Variants in ARAP2 observed in about 807,000 individuals in gnomAD.
ARAP2 encodes arf-GAP with Rho-GAP domain, ANK repeat and PH domain-containing protein 2.
Under a neutral mutation model 194.5 loss-of-function variants are expected in ARAP2, and 148 were observed. The observed-to-expected ratio is 0.76, with a 90% CI of 0.67 to 0.87. The LOEUF is 0.87. ARAP2 is among the 40% of genes least tolerant of loss of function. The pLI is 0.00. For missense variants in ARAP2, 2,128 were observed against 1,989.7 expected (o/e 1.07, Z -1.32); for synonymous variants, 695 against 683.5 (o/e 1.02, Z -0.26).
downstream of ARAP2, chr4:36,065,640 A>C (rs1393058590): frequency 5.7e-6 from 1 of 176,808 alleles, no homozygotes; most frequent in African/African-American, 2.4e-5. Flanking sequence ...ACTGCTCATG[A>C]ATGACCAAGT....
At chr4:36,159,238 G>T in intron 14 of ARAP2, 93 bp downstream of exon 14, 2 of 1,269,660 alleles carry the variant, frequency 1.6e-6, no homozygotes, top group Non-Finnish European at 2.1e-6. Flanking sequence ...CATTCTGATG[G>T]TTTCTCTTAT....
chr4:36,128,798 T>C lies in ARAP2; in HGVS notation c.3428-53A>G. 2.9e-6 allele frequency: 4 copies of C among 1,388,120 alleles called. No individual in the cohort carries two copies. The South Asian group carries it at 3.9e-5, about 14-fold the overall frequency. 86.0% of individuals were successfully genotyped at this position (1,388,120 alleles called of 1,614,324 possible). On this transcript the variant is annotated intron_variant, in intron 20 of 32. Coordinates refer to ENST00000303965, the MANE Select transcript of ARAP2 (RefSeq NM_015230.4). ...TTAAAAGTCTAAATTCAAAAGCCAG[T>C]TTGATATTTTAAAAACAAAACAAAT...
chr4:36,071,706 T>C (rs1029008201), intron 32 of ARAP2, among the ~76,000 whole-genome samples: 63 of 151,740 alleles, frequency 4.2e-4, no homozygotes, highest in Admixed American at 2.6e-3. Flanking sequence ...TTTTTTCTTT[T>C]TTTTTTATTA....
At chr4:36,159,232 C>T (rs1456849392) in intron 14 of ARAP2, 99 bp downstream of exon 14, 2 of 1,254,180 alleles carry the variant, frequency 1.6e-6, no homozygotes, top group Non-Finnish European at 2.1e-6. Context: ...TTTCTTCATT[C>T]TGATGGTTTC....
chr4:36,145,077 A>AG (rs1290142600), intron 19 of ARAP2, among the ~76,000 whole-genome samples: 2 of 151,948 alleles, frequency 1.3e-5, no homozygotes, highest in Admixed American at 6.6e-5. Context: ...CAAGAAGCCA[A>AG]GGGGAAAAAA....
chr4:36,163,939 A>G (rs1041574757), intron 11 of ARAP2, among the ~76,000 whole-genome samples: 1 of 152,174 alleles, frequency 6.6e-6, no homozygotes, highest in Non-Finnish European at 1.5e-5. Flanking sequence ...TTGATGAGAA[A>G]TGCAGTTGAA....
At chr4:36,215,017 A>G (rs886694525) in intron 2 of ARAP2, among the ~76,000 whole-genome samples, 1 of 152,212 alleles carries the variant, frequency 6.6e-6, no homozygotes, top group Non-Finnish European at 1.5e-5. Context: ...CAGGGCAATT[A>G]TTTAGAATAC....
chr4:36,186,319 C>T (rs949197496), intron 8 of ARAP2, among the ~76,000 whole-genome samples: 1 of 152,192 alleles, frequency 6.6e-6, no homozygotes. Flanking sequence ...TCCTCCCCAA[C>T]CCTTATTCAA....
intron 30 of ARAP2, among the ~76,000 whole-genome samples, chr4:36,081,643 G>A (rs570082839): frequency 3.3e-5 from 5 of 151,994 alleles, no homozygotes; most frequent in Admixed American, 2.0e-4. Flanking sequence ...GAGAATGTAC[G>A]ACAAAACAAA....
intron 15 of ARAP2, among the ~76,000 whole-genome samples, chr4:36,154,147 G>A (rs558811316): frequency 2.0e-5 from 3 of 152,000 alleles, no homozygotes; most frequent in Non-Finnish European, 2.9e-5. Flanking sequence ...AATGTATTAC[G>A]GTAAAGAATG....
At chr4:36,026,050 A>G (rs1423202436) in intron 5 of ARAP2, among the ~76,000 whole-genome samples, 2 of 152,206 alleles carry the variant, frequency 1.3e-5, no homozygotes, top group African/African-American at 2.4e-5. Context: ...GATTCTATGG[A>G]AAGTCTTTAA....
intron 7 of ARAP2, among the ~76,000 whole-genome samples, chr4:36,189,744 C>A (rs971962421): frequency 2.6e-5 from 4 of 152,120 alleles, no homozygotes; most frequent in African/African-American, 4.8e-5. Context: ...TCTAAAATTT[C>A]TCTCTTCCTT....
intron 7 of ARAP2, 43 bp from the exon 8 acceptor site, chr4:36,187,614 T>C: frequency 1.3e-6 from 2 of 1,491,328 alleles, no homozygotes; most frequent in African/African-American, 1.4e-5. Flanking sequence ...GAAAACGAAA[T>C]TCTCTTGATC....
At chr4:36,150,062 T>A (rs1730597229) in intron 16 of ARAP2, among the ~76,000 whole-genome samples, 1 of 152,196 alleles carries the variant, frequency 6.6e-6, no homozygotes, top group Non-Finnish European at 1.5e-5. Flanking sequence ...TAAACCATAG[T>A]AGATGTGAGT....
intron 24 of ARAP2, among the ~76,000 whole-genome samples, chr4:36,117,391 A>G (rs1279200185): frequency 6.6e-6 from 1 of 151,650 alleles, no homozygotes; most frequent in Non-Finnish European, 1.5e-5. Flanking sequence ...GGAGCTTAGT[A>G]CTCTCAAATA....
intron 19 of ARAP2, among the ~76,000 whole-genome samples, chr4:36,145,533 G>A (rs1489915055): frequency 1.3e-5 from 2 of 151,850 alleles, no homozygotes; most frequent in African/African-American, 4.8e-5. Context: ...CAAAAGTGGG[G>A]ACCAAAGGGG....
At chr4:36,230,115 C>A (rs1164985241) in intron 1 of ARAP2, among the ~76,000 whole-genome samples, 1 of 152,156 alleles carries the variant, frequency 6.6e-6, no homozygotes, top group African/African-American at 2.4e-5. Flanking sequence ...ATCTTTTCTA[C>A]TGGACAAAAA....
chr4:36,102,712 C>A (rs1440315958), intron 27 of ARAP2, among the ~76,000 whole-genome samples: 1 of 151,904 alleles, frequency 6.6e-6, no homozygotes, highest in Non-Finnish European at 1.5e-5. Context: ...AATATTTCAA[C>A]AGTTGTCATA....
chr4:36,068,162 G>A lies in ARAP2; in HGVS notation c.4860C>T (p.Asp1620=), dbSNP rs765685642. ...TTCGGGGTCGATTTCGAAGTTTATC[G>A]TCCTTGTGCTCCAGGCAGTGGGCCA... is the stretch of plus-strand genomic sequence containing the variant. ...SMVAHCLEHK[D]DKLRNRPRKH... The change falls in exon 33 of 33, where the codon GAC becomes GAT. Residue 1620 remains aspartate (D), a synonymous_variant. Transcript: ENST00000303965. 1.4e-5 allele frequency: 22 copies of A among 1,613,690 alleles called. No homozygotes were observed. Among genetic ancestry groups the A allele is most frequent in the South Asian group, 8.8e-5 (8 of 91,078 alleles).
Sources: gnomAD v4.1 joint callset for allele counts (sites outside exome capture counted in the v4.1 genomes callset) on GRCh38, gnomAD v4.1.1 for gene constraint, MANE v1.5 for transcripts, NCBI Gene and HGNC (gene_info 2026-07-23, HGNC 2026-07-21) for gene names.